GON4L: variants seen among roughly 807,000 people sequenced by gnomAD.
GON4L encodes gon-4 like.
In GON4L, 87 loss-of-function variants were observed where a neutral mutation model predicts 211.8. That is an observed-to-expected ratio of 0.41 (90% confidence interval 0.35 to 0.49). GON4L has a LOEUF of 0.49. Ranked by LOEUF, GON4L falls within the 20% of genes least tolerant of loss-of-function variation. The pLI, the probability that GON4L is intolerant of heterozygous loss-of-function variation, is 0.15. For missense variants in GON4L, 2,155 were observed against 2,659.5 expected (o/e 0.81, Z 4.17); for synonymous variants, 875 against 962.6 (o/e 0.91, Z 1.68).
chr1:155,825,813 C>A (rs1669152578), intron 3 of GON4L, among the ~76,000 whole-genome samples: 1 of 151,904 alleles, frequency 6.6e-6, no homozygotes, highest in Non-Finnish European at 1.5e-5. Flanking sequence ...AAAGCCAAGG[C>A]AGGCAGATCA....
intron 4 of GON4L, 130 bp from the exon 5 acceptor site, chr1:155,821,678 G>T: frequency 1.5e-6 from 1 of 683,654 alleles, no homozygotes; most frequent in Non-Finnish European, 2.7e-6. Flanking sequence ...CATCAGACTG[G>T]GGTAAAGCAA....
At position 155,810,782 on chromosome 1, in the gene GON4L, T is replaced by C. The variant is rs56306809; in HGVS notation, c.1452+2852A>G. 3.3e-4 allele frequency among the ~76,000 whole-genome samples: 50 copies of C among 151,078 alleles called. 1 individual carries two copies. The highest frequency in any genetic ancestry group is 5.8e-4 in the Non-Finnish European group (39 of 67,824). On this transcript the variant is annotated intron_variant, in intron 10 of 31. Coordinates refer to ENST00000368331, the MANE Select transcript of GON4L (RefSeq NM_001282860.2). The stretch of plus-strand genomic sequence containing the variant: ...GCCTATAATCCCAGCACTTAGGAGG[T>C]TGACAAGGGTGGATCACCTAAGGCC...
chr1:155,812,453 T>G (rs999978990), intron 10 of GON4L, among the ~76,000 whole-genome samples: 6 of 151,724 alleles, frequency 4.0e-5, no homozygotes, highest in Non-Finnish European at 8.8e-5. Context: ...GAATGCTGAA[T>G]AGGGAAAAAA....
intron 24 of GON4L, 148 bp from the exon 25 acceptor site, chr1:155,758,182 T>C (rs1044627378): frequency 4.9e-6 from 1 of 202,176 alleles, no homozygotes; most frequent in African/African-American, 2.4e-5. Context: ...TGAGATCTAA[T>C]TTAAAACCCT....
intron 6 of GON4L, among the ~76,000 whole-genome samples, chr1:155,817,082 T>C (rs188222775): frequency 2.2e-4 from 33 of 152,230 alleles, no homozygotes; most frequent in South Asian, 4.1e-4. Context: ...CTCAAATTCC[T>C]GAGCTCAAGC....
intron 31 of GON4L, among the ~76,000 whole-genome samples, chr1:155,751,053 T>G (rs893257392): frequency 1.3e-5 from 2 of 152,140 alleles, no homozygotes; most frequent in Non-Finnish European, 2.9e-5. Context: ...AATGAACCAC[T>G]GCGCCCAGCC....
intron 11 of GON4L, among the ~76,000 whole-genome samples, chr1:155,804,069 C>T (rs1443711264): frequency 2.0e-5 from 3 of 152,110 alleles, no homozygotes; most frequent in Admixed American, 2.0e-4. Flanking sequence ...AATCACTGAA[C>T]CCTAATGAAA....
intron 12 of GON4L, among the ~76,000 whole-genome samples, chr1:155,788,311 C>T (rs948731885): frequency 2.0e-5 from 3 of 152,052 alleles, no homozygotes; most frequent in Non-Finnish European, 4.4e-5. Context: ...AAATTAAAAT[C>T]CAAATGTTAC....
At chr1:155,811,700 G>A (rs1209720939) in intron 10 of GON4L, among the ~76,000 whole-genome samples, 2 of 123,094 alleles carry the variant, frequency 1.6e-5, no homozygotes, top group African/African-American at 3.1e-5. Context: ...AGGTTGCAGT[G>A]ACCCAAGATG....
upstream of GON4L, among the ~76,000 whole-genome samples, chr1:155,857,680 C>A (rs893032532): frequency 2.6e-5 from 4 of 151,914 alleles, no homozygotes; most frequent in Non-Finnish European, 5.9e-5. Context: ...AGTGAGCCGG[C>A]ATCGTGCCAC....
rs370708114 is a variant in GON4L, at chr1:155,766,521, A to T, written c.2952T>A (p.Val984=). The stretch of plus-strand genomic sequence containing the variant: ...AAGCCTTCCTGGGGAAACGGGTGGC[A>T]ACTGGCTTCAGTTTCAGGACTACAC... ...PKGVVLKLKP[V]ATRFPRKAWR... is the part of the protein sequence containing the mutation. Residue 984 remains valine, a synonymous_variant, in exon 21 of 32, where the codon GTT becomes GTA. Coordinates refer to ENST00000368331, the MANE Select transcript of GON4L (RefSeq NM_001282860.2). The T allele has an allele frequency of 4.8e-5, 78 of 1,613,992 alleles. No individual in the cohort carries two copies. The highest frequency in any genetic ancestry group is 6.5e-5 in the Non-Finnish European group (77 of 1,180,012).
intron 31 of GON4L, 150 bp from the exon 32 acceptor site, chr1:155,750,883 C>A: frequency 2.8e-6 from 2 of 705,104 alleles, no homozygotes; most frequent in Non-Finnish European, 2.4e-6. Context: ...CCTGCCTCAG[C>A]CTTCAGAGTA....
At chr1:155,809,178 T>A (rs769021419) in intron 10 of GON4L, among the ~76,000 whole-genome samples, 2 of 152,114 alleles carry the variant, frequency 1.3e-5, no homozygotes, top group African/African-American at 2.4e-5. Context: ...ACTCCCAAAG[T>A]GATGGAATTA....
intron 12 of GON4L, among the ~76,000 whole-genome samples, chr1:155,788,017 A>AG (rs1266322261): frequency 6.6e-6 from 1 of 152,120 alleles, no homozygotes; most frequent in Non-Finnish European, 1.5e-5. Flanking sequence ...TTTGAGACTG[A>AG]GTCTCACTCT....
At chr1:155,777,462 C>G (rs1197369348) in intron 15 of GON4L, among the ~76,000 whole-genome samples, 160 bp downstream of exon 15, 1 of 152,040 alleles carries the variant, frequency 6.6e-6, no homozygotes, top group African/African-American at 2.4e-5. Context: ...GCCTGTAATC[C>G]CAGCTACTTG....
At chr1:155,790,516 A>G (rs1314509524) in intron 12 of GON4L, among the ~76,000 whole-genome samples, 1 of 152,080 alleles carries the variant, frequency 6.6e-6, no homozygotes, top group Non-Finnish European at 1.5e-5. Context: ...TGCTGGGATT[A>G]CAGATGTTAG....
In GON4L at chr1:155,753,211, A is replaced by G. The variant is rs1223881129; in HGVS notation, c.5835T>C (p.Pro1945=). ...TVRTTRKGEM[P]VSAGLAVGST... is the part of the protein sequence containing the mutation. ...CGTTGGCAAATCACTCACCTGAAAC[A>G]GGCATCTCTCCCTTTCTGGTGGTCC... Residue 1945 remains proline, a synonymous_variant, in exon 29 of 32, where the codon CCT becomes CCC. Coordinates refer to ENST00000368331, the MANE Select transcript of GON4L (RefSeq NM_001282860.2). 6.2e-7 allele frequency: 1 copy of G among 1,600,796 alleles called. No individual in the cohort carries two copies. The highest frequency in any genetic ancestry group is 8.5e-7 in the Non-Finnish European group (1 of 1,173,266).
intron 2 of GON4L, among the ~76,000 whole-genome samples, chr1:155,846,928 T>C (rs1466752200): frequency 6.6e-6 from 1 of 151,970 alleles, no homozygotes; most frequent in Non-Finnish European, 1.5e-5. Context: ...GAAGAATCGC[T>C]TCAACCGAGC....
At chr1:155,838,577 C>G (rs887465529) in intron 2 of GON4L, among the ~76,000 whole-genome samples, 2 of 152,006 alleles carry the variant, frequency 1.3e-5, no homozygotes, top group Admixed American at 6.6e-5. Context: ...GAGTTTGAGA[C>G]CAGCCTGGCC....
Sources: allele counts gnomAD v4.1 joint callset (sites outside exome capture counted in the v4.1 genomes callset), GRCh38; gene constraint gnomAD v4.1.1; transcripts MANE v1.5; gene names NCBI Gene and HGNC (gene_info 2026-07-23, HGNC 2026-07-21).